The following CDH7 variants were observed in gnomAD, a reference collection of about 807,000 sequenced individuals.
CDH7 encodes the protein cadherin 7, also known as cadherin-7.
In CDH7, 25 loss-of-function variants were observed where a neutral mutation model predicts 71.8. That is an observed-to-expected ratio of 0.35 (90% confidence interval 0.25 to 0.49). The LOEUF is 0.49. CDH7 is among the 20% of genes least tolerant of loss of function. The pLI, the probability that CDH7 is intolerant of heterozygous loss-of-function variation, is 0.99. For synonymous variants in CDH7, 381 were observed against 363.8 expected (o/e 1.05, Z -0.54); for missense variants, 862 against 974.6 (o/e 0.88, Z 1.54).
intron 2 of CDH7, among the ~76,000 whole-genome samples, chr18:65,764,074 A>G (rs1252207134): frequency 6.6e-6 from 1 of 152,116 alleles, no homozygotes; most frequent in African/African-American, 2.4e-5. Flanking sequence ...AAAATGAAGC[A>G]TAGCTACCTA....
intron 2 of CDH7, among the ~76,000 whole-genome samples, chr18:65,781,117 T>C (rs1598999283): frequency 6.6e-6 from 1 of 152,064 alleles, no homozygotes; most frequent in Admixed American, 6.6e-5. Flanking sequence ...AAGAATTGCA[T>C]CTCTTTCAGT....
intron 11 of CDH7, among the ~76,000 whole-genome samples, chr18:65,875,677 A>C (rs569334081): frequency 2.0e-5 from 3 of 152,174 alleles, no homozygotes; most frequent in African/African-American, 7.2e-5. Context: ...ACTTGAGCTT[A>C]AGGAGCTCAA....
chr18:65,801,414 AT>A (rs771385953), intron 2 of CDH7, among the ~76,000 whole-genome samples: 1 of 152,220 alleles, frequency 6.6e-6, no homozygotes, highest in African/African-American at 2.4e-5. Context: ...TTAATCTGTA[AT>A]TTTTACAAAG....
Position 65,798,456 on chromosome 18 carries a change from C to T in CDH7, c.211-11248C>T, listed in dbSNP as rs565024773. Among the ~76,000 whole-genome samples the T allele has an allele frequency of 3.1e-3, 476 of 152,278 alleles. 12 individuals carry two copies. Among genetic ancestry groups the T allele is most frequent in the Admixed American group, 0.028 (432 of 15,302 alleles). On this transcript the variant is annotated intron_variant, in intron 2 of 11. Transcript: ENST00000397968. The stretch of plus-strand genomic sequence containing the variant: ...TACCAAGGAGCCAAGCTCTGTGATT[C>T]ATTAGTTACTGAGTTGGAAATGTGT...
chr18:65,837,286 A>G (rs1912563259), intron 6 of CDH7, among the ~76,000 whole-genome samples: 1 of 152,220 alleles, frequency 6.6e-6, no homozygotes. Flanking sequence ...GACTCAGTCC[A>G]AACTCACCTT....
chr18:65,774,078 A>T (rs918221303), intron 2 of CDH7, among the ~76,000 whole-genome samples: 11 of 152,280 alleles, frequency 7.2e-5, no homozygotes, highest in Middle Eastern at 3.4e-3. Context: ...GAACCTCAAT[A>T]ATCTGTGATA....
intron 6 of CDH7, among the ~76,000 whole-genome samples, chr18:65,837,389 G>A (rs925864930): frequency 9.9e-5 from 15 of 152,144 alleles, no homozygotes; most frequent in Non-Finnish European, 2.2e-4. Context: ...TTAACCAATA[G>A]GAAAGTAAAT....
chr18:65,814,099 TTGC>T (rs1413092455), intron 3 of CDH7, among the ~76,000 whole-genome samples: 1 of 152,200 alleles, frequency 6.6e-6, no homozygotes, highest in Non-Finnish European at 1.5e-5. Flanking sequence ...TGCTGTTGTC[TTGC>T]TGCTTTCTAG....
At chr18:65,811,005 T>G (rs1248653792) in intron 3 of CDH7, among the ~76,000 whole-genome samples, 1 of 152,182 alleles carries the variant, frequency 6.6e-6, no homozygotes, top group African/African-American at 2.4e-5. Context: ...TGGAATAGTT[T>G]ACAGCAAGTA....
chr18:65,875,359 G>T (rs984458186), intron 11 of CDH7, among the ~76,000 whole-genome samples: 2 of 152,156 alleles, frequency 1.3e-5, no homozygotes, highest in African/African-American at 4.8e-5. Context: ...TACTCCAATA[G>T]AAATCATGTT....
chr18:65,886,588 T>G lies in CDH7; in HGVS notation c.*5694T>G, dbSNP rs1670209914. ...CTTTAGATGATCCCAGCCTCATTGA[T>G]GAACACAAAACACCAGAATAGAGAA... On this transcript the variant is annotated 3_prime_UTR_variant, in exon 12 of 12. Transcript: ENST00000397968. 1 of 152,134 alleles carries G rather than the reference T, an allele frequency of 6.6e-6. No homozygotes were observed. Among genetic ancestry groups the G allele is most frequent in the African/African-American group, 2.4e-5 (1 of 41,438 alleles). 9.4% of individuals were successfully genotyped at this position (152,134 alleles called of 1,614,324 possible). A position where few individuals can be genotyped will look rare whatever the true frequency, so the allele number is the denominator to read the frequency against.
At chr18:65,769,135 T>G (rs1032081800) in intron 2 of CDH7, among the ~76,000 whole-genome samples, 4 of 152,194 alleles carry the variant, frequency 2.6e-5, no homozygotes, top group Non-Finnish European at 2.9e-5. Flanking sequence ...GAGGAAGAAC[T>G]CACAGATCCA....
At chr18:65,805,686 G>A (rs1911290662) in intron 2 of CDH7, among the ~76,000 whole-genome samples, 1 of 152,218 alleles carries the variant, frequency 6.6e-6, no homozygotes, top group South Asian at 2.1e-4. Flanking sequence ...GGACCATCGG[G>A]AAGCTCCGGG....
intron 1 of CDH7, among the ~76,000 whole-genome samples, chr18:65,752,797 G>T (rs987502580): frequency 3.3e-5 from 5 of 152,050 alleles, no homozygotes; most frequent in African/African-American, 1.2e-4. Flanking sequence ...GAAAAATAAA[G>T]AAAACAATAA....
chr18:65,836,118 C>T (rs1912524985), intron 6 of CDH7, among the ~76,000 whole-genome samples: 1 of 152,146 alleles, frequency 6.6e-6, no homozygotes, highest in African/African-American at 2.4e-5. Context: ...CCGAAGCCTC[C>T]AGAAAGAATG....
At chr18:65,787,429 T>G (rs1910556329) in intron 2 of CDH7, among the ~76,000 whole-genome samples, 1 of 152,188 alleles carries the variant, frequency 6.6e-6, no homozygotes, top group Admixed American at 6.5e-5. Flanking sequence ...CGTTTGCCAC[T>G]TATTCTACAA....
intron 7 of CDH7, among the ~76,000 whole-genome samples, chr18:65,851,267 A>T (rs903002531): frequency 1.3e-4 from 19 of 151,158 alleles, no homozygotes; most frequent in African/African-American, 4.6e-4. Flanking sequence ...ACAGCAATAC[A>T]CACACACACA....
At chr18:65,793,307 T>C (rs1400411239) in intron 2 of CDH7, among the ~76,000 whole-genome samples, 1 of 151,280 alleles carries the variant, frequency 6.6e-6, no homozygotes, top group Non-Finnish European at 1.5e-5. Flanking sequence ...GTGTCACGTG[T>C]GTGTCATTTC....
chr18:65,802,062 G>GAGTT (rs1338782075), intron 2 of CDH7, among the ~76,000 whole-genome samples: 1 of 152,140 alleles, frequency 6.6e-6, no homozygotes. Context: ...GTTTCTTCCA[G>GAGTT]TCATCTCTAA....
Sources: allele counts gnomAD v4.1 joint callset (sites outside exome capture counted in the v4.1 genomes callset), GRCh38; gene constraint gnomAD v4.1.1; transcripts MANE v1.5; gene names NCBI Gene and HGNC (gene_info 2026-07-23, HGNC 2026-07-21).